UPK1B: variants seen among roughly 807,000 people sequenced by gnomAD.
UPK1B encodes uroplakin 1B.
In UPK1B, 28 loss-of-function variants were observed where a neutral mutation model predicts 34.2. The ratio of observed to expected loss-of-function variants is 0.82; its 90% CI spans 0.61 to 1.12. The LOEUF is 1.12. Among genes scored for constraint, UPK1B ranks in the 50% most tolerant of loss-of-function variants. The pLI is 0.00. For synonymous variants in UPK1B, 81 were observed against 110.4 expected, an observed-to-expected ratio of 0.73 and a Z score of 1.67; for missense variants, 325 against 320.9, an observed-to-expected ratio of 1.01 and a Z score of -0.10.
At chr3:119,201,164 C>T (rs1197183544) in intron 7 of UPK1B, among the ~76,000 whole-genome samples, 3 of 152,132 alleles carry the variant, frequency 2.0e-5, no homozygotes, top group South Asian at 2.1e-4. Context: ...TGCATTTACA[C>T]CATCAGTGCA....
intron 1 of UPK1B, among the ~76,000 whole-genome samples, chr3:119,176,407 G>A (rs1022209175): frequency 7.2e-5 from 11 of 152,136 alleles, no homozygotes; most frequent in East Asian, 1.9e-4. Context: ...TCAACACTAC[G>A]GGTATGATTA....
intron 6 of UPK1B, among the ~76,000 whole-genome samples, chr3:119,195,044 A>T (rs2078060502): frequency 6.6e-6 from 1 of 152,226 alleles, no homozygotes; most frequent in South Asian, 2.1e-4. Flanking sequence ...GCTCAGTAGT[A>T]GGTGCCAGTA....
At chr3:119,174,179 G>C (rs1348070137) in intron 1 of UPK1B, among the ~76,000 whole-genome samples, 2 of 152,228 alleles carry the variant, frequency 1.3e-5, no homozygotes, top group East Asian at 3.8e-4. Context: ...TTTACTCCCA[G>C]TTATTCTCTG....
At chr3:119,197,796 A>T (rs1207794282) in intron 6 of UPK1B, among the ~76,000 whole-genome samples, 2 of 152,244 alleles carry the variant, frequency 1.3e-5, no homozygotes, top group Non-Finnish European at 2.9e-5. Context: ...GAAATAAGGC[A>T]GGGTGAGTAT....
In UPK1B at chr3:119,176,764, A is replaced by G. The variant is rs1158333551; in HGVS notation, c.-29+3126A>G. On this transcript the variant is annotated intron_variant, in intron 1 of 7. Coordinates refer to ENST00000264234, the MANE Select transcript of UPK1B (RefSeq NM_006952.4). ...GGTTTCCTTCCCACCCCTGCCAGAT[A>G]AGTAATCCAATATAGTCAGGGAGGC... is the stretch of plus-strand genomic sequence containing the variant. Among the ~76,000 whole-genome samples the G allele has an allele frequency of 2.0e-5, 3 of 152,334 alleles. No individual in the cohort carries two copies. The East Asian group carries it at 5.8e-4, about 29-fold the overall frequency.
intron 2 of UPK1B, among the ~76,000 whole-genome samples, chr3:119,187,331 AC>A (rs368415761): frequency 3.3e-5 from 5 of 152,254 alleles, no homozygotes; most frequent in African/African-American, 7.2e-5. Flanking sequence ...TCTGGCCATC[AC>A]CTTTCAAGGC....
chr3:119,198,867 C>A lies in UPK1B; in HGVS notation c.649-190C>A, dbSNP rs544928956. ...AATGTGTTGTGGAATCATTGTTCAA[C>A]AGTATTGTTTATGTTCCCTTAGTAA... On this transcript the variant is annotated intron_variant, in intron 6 of 7. Coordinates refer to ENST00000264234, the MANE Select transcript of UPK1B (RefSeq NM_006952.4). 9.2e-5 allele frequency among the ~76,000 whole-genome samples: 14 copies of A among 152,286 alleles called. No individual in the cohort carries two copies. The East Asian group carries it at 2.7e-3, about 29-fold the overall frequency.
chr3:119,178,228 T>A (rs9813310), intron 1 of UPK1B, among the ~76,000 whole-genome samples: 112,824 of 152,144 alleles, frequency 0.74, 42,255 homozygotes, highest in East Asian at 0.84. Context: ...ATGGAAAATA[T>A]AATAGTTGGG....
At chr3:119,179,399 T>TA (rs1269959832) in intron 1 of UPK1B, among the ~76,000 whole-genome samples, 4,036 of 53,864 alleles carry the variant, frequency 0.075, 708 homozygotes, top group Middle Eastern at 0.1. Flanking sequence ...ATATATATAT[T>TA]AATTCTAAGG....
intron 5 of UPK1B, among the ~76,000 whole-genome samples, chr3:119,192,777 C>T (rs1287889448): frequency 6.6e-6 from 1 of 152,160 alleles, no homozygotes; most frequent in African/African-American, 2.4e-5. Flanking sequence ...ACAGTCTTCC[C>T]TGCTCTGATC....
At chr3:119,186,142 A>G (rs1374022003) in intron 1 of UPK1B, among the ~76,000 whole-genome samples, 1 of 152,234 alleles carries the variant, frequency 6.6e-6, no homozygotes, top group African/African-American at 2.4e-5. Flanking sequence ...GTAGAGTGGC[A>G]CACACCTGGC....
intron 5 of UPK1B, among the ~76,000 whole-genome samples, chr3:119,192,732 T>C (rs1412179995): frequency 6.6e-6 from 1 of 152,176 alleles, no homozygotes; most frequent in Non-Finnish European, 1.5e-5. Context: ...TCCAGCTCTT[T>C]TGATTCTGTT....
chr3:119,186,745 G>A lies in UPK1B; in HGVS notation c.4G>A (p.Ala2Thr), dbSNP rs1351291221. Reference protein sequence around the residue: MAKDNSTVRCFQ... With the variant: MTKDNSTVRCFQ... ...CAGCTTGTGGGAAATCCCGAAGATG[G>A]CCAAAGACAACTCAACTGTTCGTTG... Residue 2 changes from alanine to threonine, a missense_variant, in exon 2 of 8, where the codon GCC (alanine) becomes ACC (threonine). Transcript: ENST00000264234. 1 of 1,614,086 alleles carries A rather than the reference G, an allele frequency of 6.2e-7. No individual in the cohort carries two copies. Among genetic ancestry groups the A allele is most frequent in the Admixed American group, 1.7e-5 (1 of 60,016 alleles).
At position 119,205,026 on chromosome 3, in the gene UPK1B, TTC is replaced by T. The variant is rs1456018752; in HGVS notation, c.*1061_*1062del. ...ATAGAATGGGGTGATTTACAGGGAT[TTC>T]TGTTTACTGTCAAAATATTTCTCAT... On this transcript the variant is annotated 3_prime_UTR_variant, in exon 8 of 8. Coordinates refer to ENST00000264234, the MANE Select transcript of UPK1B (RefSeq NM_006952.4). 7.2e-5 allele frequency: 11 copies of T among 152,250 alleles called. No homozygotes were observed. Among genetic ancestry groups the T allele is most frequent in the Admixed American group, 5.9e-4 (9 of 15,290 alleles). The allele number at this position is 152,250 out of a possible 1,614,324, so 9.4% of individuals were successfully genotyped here. A position where few individuals can be genotyped will look rare whatever the true frequency, so the allele number is the denominator to read the frequency against.
At chr3:119,196,880 G>A (rs2078070270) in intron 6 of UPK1B, among the ~76,000 whole-genome samples, 1 of 152,030 alleles carries the variant, frequency 6.6e-6, no homozygotes, top group Non-Finnish European at 1.5e-5. Context: ...GTCTCACTCT[G>A]TCACCCAAGC....
intron 1 of UPK1B, among the ~76,000 whole-genome samples, chr3:119,176,974 C>A (rs543294524): frequency 1.3e-5 from 2 of 152,282 alleles, no homozygotes; most frequent in East Asian, 3.9e-4. Context: ...TAGGTTCTAC[C>A]CTCTCCTTGG....
chr3:119,182,038 T>A (rs1003086213), intron 1 of UPK1B, among the ~76,000 whole-genome samples: 2 of 152,228 alleles, frequency 1.3e-5, no homozygotes, highest in Non-Finnish European at 2.9e-5. Context: ...TGAGGCCCAA[T>A]GGCGAGTGTT....
intron 7 of UPK1B, 139 bp downstream of exon 7, chr3:119,199,279 G>T: frequency 1.1e-6 from 1 of 931,458 alleles, no homozygotes. Context: ...GAAACTTCTG[G>T]CACCGGAAGA....
At chr3:119,203,758 T>A (rs2078104656) in intron 7 of UPK1B, among the ~76,000 whole-genome samples, 159 bp from the exon 8 acceptor site, 1 of 151,964 alleles carries the variant, frequency 6.6e-6, no homozygotes. Flanking sequence ...TGTACATGTA[T>A]CCTGTTTTTG....
Sources: gnomAD v4.1 joint callset for allele counts (sites outside exome capture counted in the v4.1 genomes callset) on GRCh38, gnomAD v4.1.1 for gene constraint, MANE v1.5 for transcripts, NCBI Gene and HGNC (gene_info 2026-07-23, HGNC 2026-07-21) for gene names.